Variants in HTR2A observed in about 807,000 individuals in gnomAD.
HTR2A encodes the protein 5-hydroxytryptamine receptor 2A, also known as 5-HT2 receptor.
A neutral mutation model predicts 31.0 loss-of-function variants in HTR2A; 14 were observed. The observed-to-expected ratio is 0.45, with a 90% CI of 0.30 to 0.71. The LOEUF (loss-of-function observed/expected upper bound fraction) is 0.71, where lower values mean the gene tolerates loss of function less well. Ranked by LOEUF, HTR2A falls within the 30% of genes least tolerant of loss-of-function variation. The pLI is 0.09. For missense variants in HTR2A, 442 were observed against 573.3 expected (o/e 0.77, Z 2.34); for synonymous variants, 209 against 225.2 (o/e 0.93, Z 0.64).
chr13:46,897,571 G>A (rs1017848307), upstream of HTR2A, among the ~76,000 whole-genome samples: 10 of 152,188 alleles, frequency 6.6e-5, no homozygotes, highest in South Asian at 2.1e-4. Flanking sequence ...AGTTGGTTTC[G>A]CAGTACCAAT....
intron 3 of HTR2A, among the ~76,000 whole-genome samples, chr13:46,843,574 C>A (rs937579818): frequency 1.3e-5 from 2 of 152,116 alleles, no homozygotes; most frequent in African/African-American, 4.8e-5. Flanking sequence ...GGAAGACATA[C>A]AAGATTGCTC....
At position 46,831,811 on chromosome 13, in the gene HTR2A, G is replaced by A. The variant is rs1289266962; in HGVS notation, c.*3026C>T. The stretch of plus-strand genomic sequence containing the variant: ...GAGATGGCGCTGTGGCCAAGTAAAT[G>A]CAGTATGCTTTAAACAGTTTTCCCT... On this transcript the variant is annotated 3_prime_UTR_variant, in exon 4 of 4. Coordinates refer to ENST00000542664, the MANE Select transcript of HTR2A (RefSeq NM_000621.5). 1 of 152,198 alleles carries A rather than the reference G, an allele frequency of 6.6e-6. No individual in the cohort carries two copies. Among genetic ancestry groups the A allele is most frequent in the Non-Finnish European group, 1.5e-5 (1 of 68,028 alleles). The allele number at this position is 152,198 out of a possible 1,614,324, so 9.4% of individuals were successfully genotyped here.
chr13:46,862,260 T>C (rs1280212860), intron 3 of HTR2A, among the ~76,000 whole-genome samples: 3 of 152,244 alleles, frequency 2.0e-5, no homozygotes, highest in African/African-American at 7.2e-5. Context: ...AAGTATATTG[T>C]ACATTAGAGG....
chr13:46,844,632 G>T (rs987840560), intron 3 of HTR2A, among the ~76,000 whole-genome samples: 3 of 152,102 alleles, frequency 2.0e-5, no homozygotes, highest in African/African-American at 7.2e-5. Flanking sequence ...CCTGGATCTA[G>T]GCCCGTTATT....
intron 3 of HTR2A, among the ~76,000 whole-genome samples, chr13:46,857,876 G>C (rs1240757884): frequency 5.3e-5 from 8 of 152,168 alleles, no homozygotes; most frequent in Non-Finnish European, 1.2e-4. Context: ...CCTCTACCCT[G>C]AGGGCAATAA....
chr13:46,855,402 A>G lies in HTR2A; in HGVS notation c.614-19763T>C, dbSNP rs144656698. Reference sequence around the variant, plus strand: ...GCAGTTTCACAGGATGTAGTCAAATATATTTTCTGGTGGGTGGAGCTTTGT... The same window carrying G: ...GCAGTTTCACAGGATGTAGTCAAATGTATTTTCTGGTGGGTGGAGCTTTGT... On this transcript the variant is annotated intron_variant, in intron 3 of 3. Coordinates refer to ENST00000542664, the MANE Select transcript of HTR2A (RefSeq NM_000621.5). Among the ~76,000 whole-genome samples the G allele has an allele frequency of 2.9e-3, 443 of 152,270 alleles. 4 individuals carry two copies. The highest frequency in any genetic ancestry group is 5.1e-3 in the Non-Finnish European group (346 of 68,018).
chr13:46,886,934 G>A (rs1190947297), intron 3 of HTR2A, among the ~76,000 whole-genome samples: 6 of 152,082 alleles, frequency 3.9e-5, no homozygotes, highest in Non-Finnish European at 8.8e-5. Flanking sequence ...TACATCCTAG[G>A]TATAAAGGCA....
In HTR2A at chr13:46,888,608, T is replaced by A. The variant is rs117527334; in HGVS notation, c.613+3782A>T. On this transcript the variant is annotated intron_variant, in intron 3 of 3. Transcript: ENST00000542664. ...TATTCTAGAGGAAATTCTTCAGGAATGAGGAACCCAGGCAAAATCATGAAA... is the reference window on the plus strand; with the variant it reads ...TATTCTAGAGGAAATTCTTCAGGAAAGAGGAACCCAGGCAAAATCATGAAA... 3.7e-3 allele frequency among the ~76,000 whole-genome samples: 560 copies of A among 152,178 alleles called. 4 individuals carry two copies. The highest frequency in any genetic ancestry group is 6.5e-3 in the Non-Finnish European group (439 of 68,008).
rs1183328040 is a variant in HTR2A at position 46,834,037 on chromosome 13, T to C, written c.*800A>G. 6.6e-6 allele frequency: 1 copy of C among 152,338 alleles called. No individual in the cohort carries two copies. The highest frequency in any genetic ancestry group is 1.5e-5 in the Non-Finnish European group (1 of 68,044). 9.4% of individuals were successfully genotyped at this position (152,338 alleles called of 1,614,324 possible). A position where few individuals can be genotyped will look rare whatever the true frequency, so the allele number is the denominator to read the frequency against. On this transcript the variant is annotated 3_prime_UTR_variant, in exon 4 of 4. Coordinates refer to ENST00000542664, the MANE Select transcript of HTR2A (RefSeq NM_000621.5). ...CGATAGTGCTGTTTTAGAGAAGCAA[T>C]TGCTAGAAAGGCATTTGGTAATGTT...
At chr13:46,880,551 A>T (rs115838849) in intron 3 of HTR2A, among the ~76,000 whole-genome samples, 2,837 of 152,194 alleles carry the variant, frequency 0.019, 84 homozygotes, top group African/African-American at 0.065. Flanking sequence ...AAAATGAAGC[A>T]CTTCTGACCG....
chr13:46,896,802 G>T lies in HTR2A; in HGVS notation c.-457C>A. ...CACCAGCATAATATGATAGTAATTT[G>T]GTTTCTGTTTTGCTGACTTCAAAAA... is the stretch of plus-strand genomic sequence containing the variant. On this transcript the variant is annotated 5_prime_UTR_variant, in exon 1 of 4. Transcript: ENST00000542664. 1 of 1,536,900 alleles carries T rather than the reference G, an allele frequency of 6.5e-7. No individual in the cohort carries two copies. The highest frequency in any genetic ancestry group is 1.4e-5 in the African/African-American group (1 of 73,148).
chr13:46,838,099 G>A (rs531423617), intron 3 of HTR2A, among the ~76,000 whole-genome samples: 8 of 152,186 alleles, frequency 5.3e-5, no homozygotes, highest in Non-Finnish European at 1.2e-4. Flanking sequence ...ACTCTTGATT[G>A]TAAAAGTAAG....
chr13:46,842,910 C>A (rs1044930185), intron 3 of HTR2A, among the ~76,000 whole-genome samples: 1 of 152,090 alleles, frequency 6.6e-6, no homozygotes, highest in African/African-American at 2.4e-5. Context: ...CTTCGGTTAC[C>A]CAGTCAACCA....
Position 46,857,809 on chromosome 13 carries a change from G to A in HTR2A, c.614-22170C>T, listed in dbSNP as rs550165452. Among the ~76,000 whole-genome samples, 4 of 152,304 alleles carry A rather than the reference G, an allele frequency of 2.6e-5. No homozygotes were observed. In the East Asian group the frequency reaches 7.7e-4, roughly 29 times the overall value. ...GGATCCTCCAGAGAGAGGAACCTGG[G>A]GAGGTGGGGAGAAGCCACATCTCGA... On this transcript the variant is annotated intron_variant, in intron 3 of 3. Transcript: ENST00000542664.
At chr13:46,881,752 G>A (rs551939536) in intron 3 of HTR2A, among the ~76,000 whole-genome samples, 12 of 152,250 alleles carry the variant, frequency 7.9e-5, no homozygotes, top group Non-Finnish European at 1.5e-4. Context: ...TAAACCTGGA[G>A]GGTCCCAGGA....
chr13:46,881,916 G>A (rs927544), intron 3 of HTR2A, among the ~76,000 whole-genome samples: 114,110 of 152,066 alleles, frequency 0.75, 43,226 homozygotes, highest in African/African-American at 0.86. Context: ...CAGAAGATAC[G>A]GTATCATAGG....
intron 3 of HTR2A, among the ~76,000 whole-genome samples, chr13:46,855,196 C>A (rs531225629): frequency 6.6e-6 from 1 of 152,172 alleles, no homozygotes; most frequent in East Asian, 1.9e-4. Context: ...TCAGTTTAAG[C>A]CAATAAGTTT....
intron 3 of HTR2A, among the ~76,000 whole-genome samples, chr13:46,842,413 A>G (rs951938991): frequency 3.9e-5 from 6 of 152,298 alleles, no homozygotes; most frequent in African/African-American, 7.2e-5. Context: ...TACATGTGAC[A>G]TGTCTCATTT....
intron 3 of HTR2A, among the ~76,000 whole-genome samples, chr13:46,852,579 T>C (rs1950695483): frequency 6.6e-6 from 1 of 152,228 alleles, no homozygotes; most frequent in African/African-American, 2.4e-5. Flanking sequence ...AGCTTTCCTA[T>C]GATTAAGATA....
Sources: gnomAD v4.1 joint callset for allele counts (sites outside exome capture counted in the v4.1 genomes callset) on GRCh38, gnomAD v4.1.1 for gene constraint, MANE v1.5 for transcripts, NCBI Gene and HGNC (gene_info 2026-07-23, HGNC 2026-07-21) for gene names.